Variants in SSNA1 observed in about 807,000 individuals in gnomAD.
The protein encoded by SSNA1 is microtubule nucleation factor SSNA1.
Under a neutral mutation model 13.3 loss-of-function variants are expected in SSNA1, and 13 were observed. The ratio of observed to expected loss-of-function variants is 0.97; its 90% CI spans 0.63 to 1.55. SSNA1 has a LOEUF of 1.55. Among genes scored for constraint, SSNA1 ranks in the 40% most tolerant of loss-of-function variants. The probability of loss-of-function intolerance (pLI) is 0.00; values close to 1 mark genes in which losing one functional copy is unlikely to be tolerated. For missense variants in SSNA1, 186 were observed against 152.7 expected (o/e 1.22, Z -1.15); for synonymous variants, 89 against 65.9 (o/e 1.35, Z -1.70).
At chr9:137,189,395 G>A in intron 2 of SSNA1, 130 bp downstream of exon 2, 1 of 1,118,790 alleles carries the variant, frequency 8.9e-7, no homozygotes, top group Non-Finnish European at 1.3e-6. Flanking sequence ...TTCGGGCAGG[G>A]GCAGCGTGGC....
In SSNA1 at chr9:137,188,678, C is replaced by G. The variant is rs779079125; in HGVS notation, c.-49C>G. On this transcript the variant is annotated 5_prime_UTR_variant, in exon 1 of 3. Coordinates refer to ENST00000322310, the MANE Select transcript of SSNA1 (RefSeq NM_003731.3). ...GGGAGTCGTGCGCAGGCGCGGACAG[C>G]GCTGCTTCCGCGGCGGTTGGGGTGG... 6 of 1,570,560 alleles carry G rather than the reference C, an allele frequency of 3.8e-6. No homozygotes were observed. In the African/African-American group the frequency reaches 4.2e-5, roughly 11 times the overall value.
chr9:137,190,263 C>T lies in SSNA1; in HGVS notation c.*349C>T. 1 of 312,766 alleles carries T rather than the reference C, an allele frequency of 3.2e-6. No individual in the cohort carries two copies. Among genetic ancestry groups the T allele is most frequent in the Non-Finnish European group, 6.1e-6 (1 of 163,070 alleles). The allele number at this position is 312,766 out of a possible 1,614,324, so 19.4% of individuals were successfully genotyped here. On this transcript the variant is annotated 3_prime_UTR_variant, in exon 3 of 3. Coordinates refer to ENST00000322310, the MANE Select transcript of SSNA1 (RefSeq NM_003731.3). ...TGTCCCTCCTCAGCCAGCAGAGGCC[C>T]AGGGCAAGGGACAGGAGGACAGGGG...
In SSNA1 at chr9:137,190,092, CG is replaced by C; in HGVS notation, c.*183del. The C allele has an allele frequency of 1.7e-6, 1 of 598,862 alleles. No individual in the cohort carries two copies. The highest frequency in any genetic ancestry group is 2.9e-5 in the East Asian group (1 of 34,862). The allele number at this position is 598,862 out of a possible 1,614,324, so 37.1% of individuals were successfully genotyped here. On this transcript the variant is annotated 3_prime_UTR_variant, in exon 3 of 3. Transcript: ENST00000322310. ...TGACAAGCCCAGGGCACAGCCCACC[CG>C]GGGGTCCTCGCTTCATGCTCACACA...
At position 137,189,166 on chromosome 9, in the gene SSNA1, AGAGAAGCTGGCCCGCGTCAAC is replaced by A; in HGVS notation, c.159_179del (p.Lys53_Glu59del). ...TGCAGAATGAGGTGAGGCAGCTGACAGAGAAGCTGGCCCGCGTCAACGAGAACCTGGCACGCAAGATTGCCT... is the reference window on the plus strand; with the variant it reads ...TGCAGAATGAGGTGAGGCAGCTGACAGAGAACCTGGCACGCAAGATTGCCT... On this transcript the variant is annotated inframe_deletion, in exon 2 of 3. Transcript: ENST00000322310. 1 of 1,612,928 alleles carries A rather than the reference AGAGAAGCTGGCCCGCGTCAAC, an allele frequency of 6.2e-7. No homozygotes were observed. Among genetic ancestry groups the A allele is most frequent in the Non-Finnish European group, 8.5e-7 (1 of 1,179,912 alleles).
At chr9:137,189,018 G>A in intron 1 of SSNA1, 48 bp from the exon 2 acceptor site, 2 of 1,537,328 alleles carry the variant, frequency 1.3e-6, no homozygotes, top group South Asian at 1.2e-5. Context: ...GCCCTCCGCC[G>A]CCGCGCTCCT....
At chr9:137,188,929 C>T in intron 1 of SSNA1, 137 bp from the exon 2 acceptor site, 1 of 1,319,890 alleles carries the variant, frequency 7.6e-7, no homozygotes, top group Non-Finnish European at 1.0e-6. Flanking sequence ...GTGGCCCGAG[C>T]CCTCGCTGGC....
Position 137,189,099 on chromosome 9 carries a change from T to C in SSNA1, c.86T>C (p.Leu29Pro). Residue 29 changes from leucine (L) to proline (P), a missense_variant, in exon 2 of 3, where the codon CTG (leucine) becomes CCG (proline). Coordinates refer to ENST00000322310, the MANE Select transcript of SSNA1 (RefSeq NM_003731.3). ...GAGCTGTGCCAGAAGCGGGAGGAGC[T>C]GTGCCGGCAGATCCAGGAGGAGGAG... is the stretch of plus-strand genomic sequence containing the variant. Reference protein sequence around the residue: ...IEELCQKREELCRQIQEEEDE... With the variant: ...IEELCQKREEPCRQIQEEEDE... 2 of 1,593,680 alleles carry C rather than the reference T, an allele frequency of 1.3e-6. No individual in the cohort carries two copies. The highest frequency in any genetic ancestry group is 2.3e-5 in the South Asian group (2 of 88,742).
rs762509728 is a variant in SSNA1 at position 137,188,758 on chromosome 9, A to G, written c.32A>G (p.Tyr11Cys). ...CAGCAGGGCGCGGCGCTGCAGAACT[A>G]CAACAACGAGCTGGTCAAGTGTGAG... MTQQGAALQN[Y>C]NNELVKCIEE... The change falls in exon 1 of 3, where the codon TAC (tyrosine) becomes TGC (cysteine). Residue 11 changes from tyrosine (Y) to cysteine (C), a missense_variant. Coordinates refer to ENST00000322310, the MANE Select transcript of SSNA1 (RefSeq NM_003731.3). 5 of 1,585,298 alleles carry G rather than the reference A, an allele frequency of 3.2e-6. No homozygotes were observed. Among genetic ancestry groups the G allele is most frequent in the South Asian group, 1.1e-5 (1 of 89,210 alleles).
Position 137,189,053 on chromosome 9 carries a change from T to C in SSNA1, c.53-13T>C. The C allele has an allele frequency of 6.4e-7, 1 of 1,554,478 alleles. No homozygotes were observed. The highest frequency in any genetic ancestry group is 8.7e-7 in the Non-Finnish European group (1 of 1,148,686). ...TGCCCTGGGCCCACAGCGCCGCCCC[T>C]CCCGGCCCCCAGGCATAGAGGAGCT... On this transcript the variant is annotated splice_polypyrimidine_tract_variant and intron_variant, in intron 1 of 2. Transcript: ENST00000322310.
intron 1 of SSNA1, 126 bp downstream of exon 1, chr9:137,188,904 G>C: frequency 1.5e-6 from 2 of 1,323,980 alleles, no homozygotes; most frequent in Non-Finnish European, 2.0e-6. Flanking sequence ...CCTCCGTGCC[G>C]GAGGCCGGGT....
Position 137,188,696 on chromosome 9 carries a change from T to C in SSNA1, c.-31T>C. On this transcript the variant is annotated 5_prime_UTR_variant, in exon 1 of 3. Coordinates refer to ENST00000322310, the MANE Select transcript of SSNA1 (RefSeq NM_003731.3). ...CGGACAGCGCTGCTTCCGCGGCGGT[T>C]GGGGTGGTGGGGCCCCGGGCGGCGT... 6.3e-7 allele frequency: 1 copy of C among 1,575,200 alleles called. No individual in the cohort carries two copies. The highest frequency in any genetic ancestry group is 8.6e-7 in the Non-Finnish European group (1 of 1,169,494).
rs1482896548 is a variant in SSNA1 at position 137,189,964 on chromosome 9, G to A, written c.*50G>A. ...CCGTGTGCCCCTCAGCTCAGCCCCA[G>A]CAAGTGTGTGCTCAGAGCATCTTTG... On this transcript the variant is annotated 3_prime_UTR_variant, in exon 3 of 3. Transcript: ENST00000322310. 4 of 1,487,928 alleles carry A rather than the reference G, an allele frequency of 2.7e-6. No homozygotes were observed. The highest frequency in any genetic ancestry group is 1.4e-5 in the African/African-American group (1 of 72,360). 92.2% of individuals were successfully genotyped at this position (1,487,928 alleles called of 1,614,324 possible). A position where few individuals can be genotyped will look rare whatever the true frequency, so the allele number is the denominator to read the frequency against.
intron 2 of SSNA1, 89 bp downstream of exon 2, chr9:137,189,354 C>A: frequency 6.9e-7 from 1 of 1,454,784 alleles, no homozygotes; most frequent in East Asian, 2.4e-5. Context: ...CTGGGGCTCC[C>A]GGCTGTGGGC....
Position 137,190,028 on chromosome 9 carries a change from G to C in SSNA1, c.*114G>C, listed in dbSNP as rs1834578450. Reference sequence around the variant, plus strand: ...CAGCTACCTTCCCTCACTGTCTCAGGTGCCGAGAGGGGCAGGTGCCAGCCT... The same window carrying C: ...CAGCTACCTTCCCTCACTGTCTCAGCTGCCGAGAGGGGCAGGTGCCAGCCT... On this transcript the variant is annotated 3_prime_UTR_variant, in exon 3 of 3. Transcript: ENST00000322310. 8 of 965,566 alleles carry C rather than the reference G, an allele frequency of 8.3e-6. No homozygotes were observed. The South Asian group carries it at 1.2e-4, about 14-fold the overall frequency. 59.8% of individuals were successfully genotyped at this position (965,566 alleles called of 1,614,324 possible).
rs1043359446 is a variant in SSNA1 at position 137,189,935 on chromosome 9, G to T, written c.*21G>T. On this transcript the variant is annotated 3_prime_UTR_variant, in exon 3 of 3. Coordinates refer to ENST00000322310, the MANE Select transcript of SSNA1 (RefSeq NM_003731.3). Reference sequence around the variant, plus strand: ...GCTGACCAGACCACGGGCAGGGCCTGCCTCCGTGTGCCCCTCAGCTCAGCC... The same window carrying T: ...GCTGACCAGACCACGGGCAGGGCCTTCCTCCGTGTGCCCCTCAGCTCAGCC... The T allele has an allele frequency of 1.3e-6, 2 of 1,595,966 alleles. No homozygotes were observed. The highest frequency in any genetic ancestry group is 1.7e-6 in the Non-Finnish European group (2 of 1,164,884).
At position 137,190,094 on chromosome 9, in the gene SSNA1, G is replaced by C. The variant is rs1834580502; in HGVS notation, c.*180G>C. The C allele has an allele frequency of 1.7e-6, 1 of 599,408 alleles. No homozygotes were observed. The highest frequency in any genetic ancestry group is 3.0e-6 in the Non-Finnish European group (1 of 338,702). 37.1% of individuals were successfully genotyped at this position (599,408 alleles called of 1,614,324 possible). ...ACAAGCCCAGGGCACAGCCCACCCG[G>C]GGGTCCTCGCTTCATGCTCACACAG... On this transcript the variant is annotated 3_prime_UTR_variant, in exon 3 of 3. Coordinates refer to ENST00000322310, the MANE Select transcript of SSNA1 (RefSeq NM_003731.3).
chr9:137,188,973 G>T (rs192819233), intron 1 of SSNA1, 93 bp from the exon 2 acceptor site: 13 of 1,463,370 alleles, frequency 8.9e-6, no homozygotes, highest in Non-Finnish European at 1.2e-5. Flanking sequence ...CGGGGGTGGT[G>T]CCTGACTCTG....
At chr9:137,188,800 G>A in intron 1 of SSNA1, 22 bp downstream of exon 1, 1 of 1,555,358 alleles carries the variant, frequency 6.4e-7, no homozygotes, top group Non-Finnish European at 8.6e-7. Flanking sequence ...AGCCGGGACG[G>A]GGAGGTCGGG....
chr9:137,188,893 C>T lies in SSNA1; in HGVS notation c.52+115C>T, dbSNP rs73563667. The T allele has an allele frequency of 3.4e-3, 4,538 of 1,341,656 alleles. 93 individuals carry two copies. The African/African-American group carries it at 0.043, about 13-fold the overall frequency. The allele number at this position is 1,341,656 out of a possible 1,614,324, so 83.1% of individuals were successfully genotyped here. ...GCGGGCATCGCGCGGCTGAGCAGAG[C>T]CCTCCGTGCCGGAGGCCGGGTGTCC... is the stretch of plus-strand genomic sequence containing the variant. On this transcript the variant is annotated intron_variant, in intron 1 of 2. Transcript: ENST00000322310.
Sources: allele counts gnomAD v4.1 joint callset, GRCh38; gene constraint gnomAD v4.1.1; transcripts MANE v1.5; gene names NCBI Gene and HGNC (gene_info 2026-07-23, HGNC 2026-07-21).